Variants in PDE10A observed in about 807,000 individuals in gnomAD.
The protein encoded by PDE10A is cAMP and cAMP-inhibited cGMP 3',5'-cyclic phosphodiesterase 10A.
A neutral mutation model predicts 97.7 loss-of-function variants in PDE10A; 39 were observed. That is an observed-to-expected ratio of 0.40 (90% CI 0.31 to 0.52). The LOEUF is 0.52. Among genes scored for constraint, PDE10A ranks in the 20% least tolerant of loss-of-function variants. The pLI is 0.56. For missense variants in PDE10A, 731 were observed against 1,047.8 expected, an observed-to-expected ratio of 0.70 and a Z score of 4.17; for synonymous variants, 371 against 376.8, an observed-to-expected ratio of 0.98 and a Z score of 0.18.
At chr6:165,471,083 G>A (rs1380836096) in intron 3 of PDE10A, among the ~76,000 whole-genome samples, 1 of 152,088 alleles carries the variant, frequency 6.6e-6, no homozygotes, top group African/African-American at 2.4e-5. Context: ...AGCTTTCAGT[G>A]AGGTCACCAA....
At chr6:165,402,042 T>TA (rs1786707744) in intron 13 of PDE10A, among the ~76,000 whole-genome samples, 1 of 152,172 alleles carries the variant, frequency 6.6e-6, no homozygotes, top group South Asian at 2.1e-4. Context: ...GTAACTATAC[T>TA]AGGCAGTAAA....
At chr6:165,405,048 A>G (rs1849206) in intron 13 of PDE10A, among the ~76,000 whole-genome samples, 55,950 of 151,740 alleles carry the variant, frequency 0.37, 10,519 homozygotes, top group Middle Eastern at 0.4. Context: ...GTTTCCTCTA[A>G]CGTGTTTCAG....
chr6:165,776,220 C>T (rs1244274109), intron 1 of PDE10A, among the ~76,000 whole-genome samples: 1 of 152,140 alleles, frequency 6.6e-6, no homozygotes, highest in East Asian at 1.9e-4. Context: ...GCAGCTGTTC[C>T]TTATTAATTA....
chr6:165,800,833 A>G (rs1778964909), intron 1 of PDE10A, among the ~76,000 whole-genome samples: 1 of 152,218 alleles, frequency 6.6e-6, no homozygotes, highest in Non-Finnish European at 1.5e-5. Context: ...ATCCATTTAG[A>G]GGGCAGCGTC....
At chr6:165,540,206 C>T (rs1026197131) in intron 2 of PDE10A, among the ~76,000 whole-genome samples, 2 of 152,144 alleles carry the variant, frequency 1.3e-5, no homozygotes, top group Admixed American at 1.3e-4. Context: ...GATTCAGATG[C>T]CTGACCCCTG....
Position 165,982,613 on chromosome 6 carries a change from A to G in PDE10A, c.-615+4916T>C, listed in dbSNP as rs559254723. Among the ~76,000 whole-genome samples, 7 of 152,354 alleles carry G rather than the reference A, an allele frequency of 4.6e-5. No homozygotes were observed. The South Asian group carries it at 1.4e-3, about 32-fold the overall frequency. Reference sequence around the variant, plus strand: ...ATTACTTCTTCGGTGTATAGTAACTAATAAGATATCTTGTGATTAAACCAA... The same window carrying G: ...ATTACTTCTTCGGTGTATAGTAACTGATAAGATATCTTGTGATTAAACCAA... On this transcript the variant is annotated intron_variant, in intron 1 of 19. Transcript: ENST00000366882.
At chr6:165,389,696 A>G (rs1454384501) in intron 16 of PDE10A, among the ~76,000 whole-genome samples, 1 of 152,094 alleles carries the variant, frequency 6.6e-6, no homozygotes, top group Non-Finnish European at 1.5e-5. Flanking sequence ...CACGGCCTGG[A>G]GATAGGCCTT....
At chr6:165,651,876 T>A (rs1234070122) in intron 1 of PDE10A, among the ~76,000 whole-genome samples, 1 of 152,202 alleles carries the variant, frequency 6.6e-6, no homozygotes, top group Non-Finnish European at 1.5e-5. Flanking sequence ...CTACCTAGTA[T>A]CCTCAAATCA....
intron 1 of PDE10A, among the ~76,000 whole-genome samples, chr6:165,861,399 G>A (rs1350310915): frequency 1.3e-5 from 2 of 150,714 alleles, no homozygotes; most frequent in African/African-American, 4.9e-5. Flanking sequence ...TCGGGGGGGC[G>A]CTATGGAGGC....
At chr6:165,434,544 G>C (rs183068773) in intron 6 of PDE10A, among the ~76,000 whole-genome samples, 1 of 152,288 alleles carries the variant, frequency 6.6e-6, no homozygotes, top group East Asian at 1.9e-4. Context: ...CATGGTTAGT[G>C]ATCTATACTG....
At chr6:165,902,774 A>G (rs1283790902) in intron 1 of PDE10A, among the ~76,000 whole-genome samples, 3 of 152,200 alleles carry the variant, frequency 2.0e-5, no homozygotes, top group Non-Finnish European at 2.9e-5. Flanking sequence ...TGAAGGGCAG[A>G]TATGTCTTCT....
At chr6:165,423,812 T>C (rs1378715424) in intron 10 of PDE10A, among the ~76,000 whole-genome samples, 1 of 151,052 alleles carries the variant, frequency 6.6e-6, no homozygotes, top group African/African-American at 2.4e-5. Context: ...ATCATGCCAC[T>C]GTACTCCAGC....
chr6:165,805,234 T>C (rs1779102477), intron 1 of PDE10A, among the ~76,000 whole-genome samples: 1 of 151,910 alleles, frequency 6.6e-6, no homozygotes, highest in Non-Finnish European at 1.5e-5. Context: ...CTGTGCGCCC[T>C]GGACGAAGCC....
chr6:165,703,707 G>A (rs1274485616), intron 1 of PDE10A, among the ~76,000 whole-genome samples: 2 of 152,232 alleles, frequency 1.3e-5, no homozygotes, highest in Non-Finnish European at 2.9e-5. Flanking sequence ...TCTTTGCTCT[G>A]GAAATCTTGG....
chr6:165,421,840 C>T (rs1450242284), intron 10 of PDE10A, among the ~76,000 whole-genome samples: 12 of 152,114 alleles, frequency 7.9e-5, no homozygotes, highest in Admixed American at 7.9e-4. Context: ...GCCCCTTGGA[C>T]TGCTTGAGCT....
At chr6:165,895,363 G>A (rs982233861) in intron 1 of PDE10A, among the ~76,000 whole-genome samples, 16 of 152,142 alleles carry the variant, frequency 1.1e-4, no homozygotes, top group African/African-American at 2.9e-4. Context: ...CTGTGAAGAC[G>A]TGGGCAGAGA....
intron 1 of PDE10A, among the ~76,000 whole-genome samples, chr6:165,672,266 C>T (rs912967436): frequency 5.9e-5 from 9 of 152,154 alleles, no homozygotes; most frequent in African/African-American, 2.4e-5. Flanking sequence ...AGAATACAGA[C>T]GCTCCTCAAT....
At chr6:165,471,093 A>T (rs1274169736) in intron 3 of PDE10A, among the ~76,000 whole-genome samples, 1 of 152,160 alleles carries the variant, frequency 6.6e-6, no homozygotes, top group Non-Finnish European at 1.5e-5. Flanking sequence ...GAGGTCACCA[A>T]TGACCCCACA....
chr6:165,393,200 A>G (rs993109705), intron 15 of PDE10A, among the ~76,000 whole-genome samples: 11 of 152,230 alleles, frequency 7.2e-5, no homozygotes, highest in African/African-American at 2.7e-4. Context: ...TTTTCCAAAA[A>G]GAATATTCAG....
Sources: allele counts gnomAD v4.1 joint callset (sites outside exome capture counted in the v4.1 genomes callset), GRCh38; gene constraint gnomAD v4.1.1; transcripts MANE v1.5; gene names NCBI Gene and HGNC (gene_info 2026-07-23, HGNC 2026-07-21).